Variants in PKN2 observed in about 807,000 individuals in gnomAD.
PKN2 encodes the protein protein kinase N2, also known as serine/threonine-protein kinase N2.
A neutral mutation model predicts 119.1 loss-of-function variants in PKN2; 38 were observed. The observed-to-expected ratio is 0.32, with a 90% CI of 0.25 to 0.42. PKN2 has a LOEUF of 0.42. Ranked by LOEUF, PKN2 falls within the 10% of genes least tolerant of loss-of-function variation. The pLI is 1.00. For missense variants in PKN2, 850 were observed against 1,165.1 expected, an observed-to-expected ratio of 0.73 and a Z score of 3.94; for synonymous variants, 390 against 384.9, an observed-to-expected ratio of 1.01 and a Z score of -0.15.
At chr1:88,814,315 CAAAT>C (rs1421127689) in intron 16 of PKN2, among the ~76,000 whole-genome samples, 2 of 152,076 alleles carry the variant, frequency 1.3e-5, no homozygotes, top group East Asian at 3.8e-4. Flanking sequence ...TTGGCTTATT[CAAAT>C]AAATAAGAAT....
In PKN2 at chr1:88,781,138, C is replaced by T. The variant is rs551844172; in HGVS notation, c.986-3501C>T. The T allele has an allele frequency of 9.4e-5, 120 of 1,274,360 alleles. No individual in the cohort carries two copies. The African/African-American group carries it at 1.5e-3, about 16-fold the overall frequency. 78.9% of individuals were successfully genotyped at this position (1,274,360 alleles called of 1,614,324 possible). A position where few individuals can be genotyped will look rare whatever the true frequency, so the allele number is the denominator to read the frequency against. On this transcript the variant is annotated intron_variant, in intron 6 of 21. Coordinates refer to ENST00000370521, the MANE Select transcript of PKN2 (RefSeq NM_006256.4). The stretch of plus-strand genomic sequence containing the variant: ...GACATTAATAGAAGACTACACATGA[C>T]GAAAAGATGAACATGGATGAATAGT...
At chr1:88,807,238 C>T in intron 12 of PKN2, 75 bp from the exon 13 acceptor site, 1 of 977,350 alleles carries the variant, frequency 1.0e-6, no homozygotes, top group African/African-American at 1.7e-5. Context: ...AAATGTTTTT[C>T]CTTAATTTTA....
At position 88,790,898 on chromosome 1, in the gene PKN2, C is replaced by T. The variant is rs145099685; in HGVS notation, c.1281+4685C>T. The stretch of plus-strand genomic sequence containing the variant: ...CAACTGAAAAATTTACATTTGATGT[C>T]ATATTTTTAATTTTTAGAAGTTCAT... On this transcript the variant is annotated intron_variant, in intron 8 of 21. Coordinates refer to ENST00000370521, the MANE Select transcript of PKN2 (RefSeq NM_006256.4). 3.5e-4 allele frequency among the ~76,000 whole-genome samples: 53 copies of T among 152,120 alleles called. 1 individual carries two copies. The East Asian group carries it at 8.7e-3, about 25-fold the overall frequency.
At chr1:88,740,691 A>G (rs948502346) in intron 1 of PKN2, among the ~76,000 whole-genome samples, 2 of 152,074 alleles carry the variant, frequency 1.3e-5, no homozygotes, top group African/African-American at 4.8e-5. Flanking sequence ...GGTTCCTAAG[A>G]TACCAAAATC....
Position 88,835,905 on chromosome 1 carries a change from TA to T in PKN2, c.*2460del, listed in dbSNP as rs1672927364. 1 of 152,164 alleles carries T rather than the reference TA, an allele frequency of 6.6e-6. No individual in the cohort carries two copies. The highest frequency in any genetic ancestry group is 2.4e-5 in the African/African-American group (1 of 41,448). 9.4% of individuals were successfully genotyped at this position (152,164 alleles called of 1,614,324 possible). On this transcript the variant is annotated 3_prime_UTR_variant, in exon 22 of 22. Transcript: ENST00000370521. The stretch of plus-strand genomic sequence containing the variant: ...AATCTCAAAGACTAATTAACTTTAA[TA>T]AACATTCTTGCAAGTACTTTTTGTC...
chr1:88,783,438 T>C (rs1264995059), intron 6 of PKN2, among the ~76,000 whole-genome samples: 3 of 151,680 alleles, frequency 2.0e-5, no homozygotes, highest in African/African-American at 7.3e-5. Context: ...CAGGGATCAC[T>C]ATTCGTCTTT....
chr1:88,720,304 G>C (rs988943842), intron 1 of PKN2, among the ~76,000 whole-genome samples: 1 of 152,162 alleles, frequency 6.6e-6, no homozygotes, highest in Non-Finnish European at 1.5e-5. Flanking sequence ...ACAGGTGTGA[G>C]CCACCGCGCC....
chr1:88,817,917 GAAAGGA>G (rs1372802171), intron 16 of PKN2, among the ~76,000 whole-genome samples: 1 of 152,124 alleles, frequency 6.6e-6, no homozygotes, highest in Non-Finnish European at 1.5e-5. Context: ...AAAATAGGAA[GAAAGGA>G]AGTCAAATTG....
At chr1:88,732,817 A>G (rs956065041) in intron 1 of PKN2, among the ~76,000 whole-genome samples, 2 of 152,192 alleles carry the variant, frequency 1.3e-5, no homozygotes, top group African/African-American at 4.8e-5. Flanking sequence ...TATATACACA[A>G]TGGAATATTA....
intron 1 of PKN2, among the ~76,000 whole-genome samples, chr1:88,735,490 A>G (rs1570552563): frequency 6.6e-6 from 1 of 151,136 alleles, no homozygotes; most frequent in Non-Finnish European, 1.5e-5. Flanking sequence ...CTTGTAAGAC[A>G]TATCTGATGA....
intron 3 of PKN2, among the ~76,000 whole-genome samples, chr1:88,768,919 G>A (rs367753925): frequency 6.6e-6 from 1 of 152,276 alleles, no homozygotes; most frequent in East Asian, 1.9e-4. Context: ...GAAGATGAAC[G>A]GCAGCCAGCT....
At chr1:88,770,777 G>A (rs1348250790) in intron 4 of PKN2, among the ~76,000 whole-genome samples, 1 of 151,164 alleles carries the variant, frequency 6.6e-6, no homozygotes, top group African/African-American at 2.4e-5. Context: ...AGTAGAGACG[G>A]GGTTTCACCG....
intron 1 of PKN2, among the ~76,000 whole-genome samples, chr1:88,713,707 A>T (rs1031613927): frequency 6.6e-6 from 1 of 151,736 alleles, no homozygotes; most frequent in Non-Finnish European, 1.5e-5. Flanking sequence ...GATTGCAAAA[A>T]TTTTCTCCCA....
At chr1:88,777,632 A>G (rs1056742876) in intron 6 of PKN2, among the ~76,000 whole-genome samples, 3 of 152,182 alleles carry the variant, frequency 2.0e-5, no homozygotes, top group Non-Finnish European at 2.9e-5. Context: ...TGTCTATTTC[A>G]TTAATATATT....
chr1:88,803,952 T>C (rs913793278), intron 8 of PKN2, among the ~76,000 whole-genome samples: 10 of 152,156 alleles, frequency 6.6e-5, no homozygotes, highest in Admixed American at 5.9e-4. Flanking sequence ...TGCAGAACTT[T>C]TTCTGGCTTA....
At chr1:88,684,815 C>G in intron 1 of PKN2, 187 bp downstream of exon 1, 1 of 528,756 alleles carries the variant, frequency 1.9e-6, no homozygotes, top group African/African-American at 2.0e-5. Flanking sequence ...CGGACCCTCT[C>G]CCCCGCCAAA....
chr1:88,820,369 A>T (rs1672226734), intron 16 of PKN2, among the ~76,000 whole-genome samples: 1 of 150,508 alleles, frequency 6.6e-6, no homozygotes, highest in South Asian at 2.1e-4. Flanking sequence ...CCCCGTCTCC[A>T]CTAAAAATAC....
intron 1 of PKN2, among the ~76,000 whole-genome samples, chr1:88,736,722 C>T (rs1203829402): frequency 6.6e-6 from 1 of 152,152 alleles, no homozygotes; most frequent in African/African-American, 2.4e-5. Flanking sequence ...TGTTTATTCC[C>T]CATTCAAAGC....
chr1:88,777,073 T>C (rs1333473639), intron 6 of PKN2, among the ~76,000 whole-genome samples: 1 of 152,186 alleles, frequency 6.6e-6, no homozygotes, highest in Non-Finnish European at 1.5e-5. Context: ...GTATTTCTCT[T>C]AGACTCTGAT....
Sources: allele counts gnomAD v4.1 joint callset (sites outside exome capture counted in the v4.1 genomes callset), GRCh38; gene constraint gnomAD v4.1.1; transcripts MANE v1.5; gene names NCBI Gene and HGNC (gene_info 2026-07-23, HGNC 2026-07-21).